Variants in SIPA1L3 observed in about 807,000 individuals in gnomAD.
SIPA1L3 encodes signal induced proliferation associated 1 like 3.
A neutral mutation model predicts 150.1 loss-of-function variants in SIPA1L3; 59 were observed. The observed-to-expected ratio is 0.39, with a 90% CI of 0.32 to 0.49. The LOEUF is 0.49. Ranked by LOEUF, SIPA1L3 falls within the 20% of genes least tolerant of loss-of-function variation. The pLI, the probability that SIPA1L3 is intolerant of heterozygous loss-of-function variation, is 0.86. For missense variants in SIPA1L3, 2,211 were observed against 2,489.5 expected, an observed-to-expected ratio of 0.89 and a Z score of 2.38; for synonymous variants, 1,070 against 1,077.6, an observed-to-expected ratio of 0.99 and a Z score of 0.14.
chr19:38,011,926 G>A (rs886170158), intron 1 of SIPA1L3, among the ~76,000 whole-genome samples: 30 of 152,066 alleles, frequency 2.0e-4, no homozygotes, highest in Non-Finnish European at 4.0e-4. Context: ...GGAGGTAGTG[G>A]CAACAGAGTT....
At chr19:38,003,416 G>A (rs543838772) in intron 1 of SIPA1L3, among the ~76,000 whole-genome samples, 2 of 152,332 alleles carry the variant, frequency 1.3e-5, no homozygotes, top group South Asian at 2.1e-4. Flanking sequence ...TTTTCTGGGT[G>A]CAAATGGAAA....
intron 17 of SIPA1L3, among the ~76,000 whole-genome samples, chr19:38,193,240 C>G (rs561083186): frequency 2.0e-4 from 31 of 151,782 alleles, no homozygotes; most frequent in African/African-American, 7.5e-4. Context: ...AGCTACCTAC[C>G]TGGGAAGCTG....
chr19:38,203,659 C>T (rs77216715), intron 20 of SIPA1L3: 16,337 of 153,984 alleles, frequency 0.11, 915 homozygotes, highest in Non-Finnish European at 0.12. Flanking sequence ...CTCTCAGTGA[C>T]GGCCACGTGG....
chr19:37,994,794 G>A (rs918107249), intron 1 of SIPA1L3, among the ~76,000 whole-genome samples: 11 of 152,174 alleles, frequency 7.2e-5, no homozygotes, highest in Middle Eastern at 3.2e-3. Context: ...CGATCTGTCA[G>A]TTGGGACACA....
At chr19:38,036,245 C>T (rs1200149919) in intron 2 of SIPA1L3, among the ~76,000 whole-genome samples, 2 of 152,254 alleles carry the variant, frequency 1.3e-5, no homozygotes, top group Non-Finnish European at 2.9e-5. Flanking sequence ...CGGGAGGGCA[C>T]AGCCCCAGTG....
chr19:37,953,164 A>G (rs1157382958), intron 1 of SIPA1L3, among the ~76,000 whole-genome samples: 2 of 152,180 alleles, frequency 1.3e-5, no homozygotes, highest in African/African-American at 4.8e-5. Context: ...CTCAGCTTAC[A>G]ATCCTATCCA....
chr19:37,943,721 A>G (rs980421417), intron 1 of SIPA1L3, among the ~76,000 whole-genome samples: 1 of 151,914 alleles, frequency 6.6e-6, no homozygotes, highest in African/African-American at 2.4e-5. Flanking sequence ...GGAGCTCACC[A>G]CTCACAGGGT....
At chr19:38,199,512 G>T (rs1006813736) in intron 19 of SIPA1L3, among the ~76,000 whole-genome samples, 2 of 152,242 alleles carry the variant, frequency 1.3e-5, no homozygotes, top group African/African-American at 4.8e-5. Context: ...AGCCTGGCTG[G>T]TGGCACTGAT....
intron 10 of SIPA1L3, among the ~76,000 whole-genome samples, chr19:38,132,142 G>C (rs1971325971): frequency 6.6e-6 from 1 of 152,108 alleles, no homozygotes; most frequent in Admixed American, 6.6e-5. Context: ...TTCAGGCTGA[G>C]GTGGGAAAAT....
chr19:37,941,750 C>T (rs1000030509), intron 1 of SIPA1L3, among the ~76,000 whole-genome samples: 4 of 152,308 alleles, frequency 2.6e-5, no homozygotes, highest in South Asian at 2.1e-4. Flanking sequence ...TCCTGCTCTA[C>T]GCCAAGGAAT....
intron 9 of SIPA1L3, among the ~76,000 whole-genome samples, chr19:38,128,778 T>C (rs1263564127): frequency 6.6e-6 from 1 of 151,908 alleles, no homozygotes; most frequent in Non-Finnish European, 1.5e-5. Flanking sequence ...ATGCCTGTAA[T>C]CCCACCTACT....
At chr19:38,189,383 C>T (rs964915094) in intron 16 of SIPA1L3, among the ~76,000 whole-genome samples, 2 of 152,074 alleles carry the variant, frequency 1.3e-5, no homozygotes, top group African/African-American at 4.8e-5. Context: ...CTCCCACTTA[C>T]GCCTCCCAAA....
intron 1 of SIPA1L3, among the ~76,000 whole-genome samples, chr19:38,024,862 T>G (rs989156057): frequency 1.3e-5 from 2 of 152,034 alleles, no homozygotes; most frequent in African/African-American, 4.8e-5. Flanking sequence ...CCTCCCCAAC[T>G]CAAATTGACT....
At chr19:37,953,336 C>T (rs1376989195) in intron 1 of SIPA1L3, among the ~76,000 whole-genome samples, 1 of 152,126 alleles carries the variant, frequency 6.6e-6, no homozygotes, top group Non-Finnish European at 1.5e-5. Context: ...GGAATTTGGT[C>T]AGATCTGTGC....
intron 13 of SIPA1L3, among the ~76,000 whole-genome samples, chr19:38,154,670 A>T (rs1283495245): frequency 6.6e-6 from 1 of 151,390 alleles, no homozygotes; most frequent in African/African-American, 2.4e-5. Flanking sequence ...CTCGTCTCGA[A>T]CTCCTGACCT....
chr19:38,110,212 GT>G lies in SIPA1L3; in HGVS notation c.2134-13del. ...CTGTGACAGGTTCCTGTCCCCCTCT[GT>G]TGCCCTTTCCCAGCTGCTACGGAAG... On this transcript the variant is annotated splice_polypyrimidine_tract_variant and intron_variant, in intron 7 of 21. Transcript: ENST00000222345. 6.2e-7 allele frequency: 1 copy of G among 1,613,580 alleles called. No individual in the cohort carries two copies. Among genetic ancestry groups the G allele is most frequent in the Non-Finnish European group, 8.5e-7 (1 of 1,179,616 alleles).
intron 1 of SIPA1L3, among the ~76,000 whole-genome samples, chr19:37,919,705 CTTTTTTT>C (rs10644508): frequency 2.6e-4 from 22 of 84,256 alleles, no homozygotes; most frequent in African/African-American, 1.1e-3. Context: ...GGCCCTGAGG[CTTTTTTT>C]TTTTTTTTTT....
intron 1 of SIPA1L3, among the ~76,000 whole-genome samples, chr19:37,926,851 G>C (rs1020319134): frequency 6.6e-6 from 1 of 152,116 alleles, no homozygotes; most frequent in Non-Finnish European, 1.5e-5. Flanking sequence ...TGTATGTAGC[G>C]TCTGCTGCAT....
chr19:38,167,968 G>A (rs1972246486), intron 15 of SIPA1L3, among the ~76,000 whole-genome samples: 1 of 152,242 alleles, frequency 6.6e-6, no homozygotes, highest in African/African-American at 2.4e-5. Context: ...GATTTGCTCG[G>A]TCCCAGACAC....
Sources: gnomAD v4.1 joint callset for allele counts (sites outside exome capture counted in the v4.1 genomes callset) on GRCh38, gnomAD v4.1.1 for gene constraint, MANE v1.5 for transcripts, NCBI Gene and HGNC (gene_info 2026-07-23, HGNC 2026-07-21) for gene names.